BORCS5: variants seen among roughly 807,000 people sequenced by gnomAD.
BORCS5 encodes BLOC-1 related complex subunit 5.
BORCS5 carries 17 observed loss-of-function variants against 22.1 expected under a neutral mutation model. The observed-to-expected ratio is 0.77, with a 90% CI of 0.53 to 1.15. BORCS5 has a LOEUF of 1.15. Among genes scored for constraint, BORCS5 ranks in the 50% most tolerant of loss-of-function variants. BORCS5 has a pLI of 0.00. For synonymous variants in BORCS5, 117 were observed against 99.8 expected (o/e 1.17, Z -1.03); for missense variants, 247 against 253.2 (o/e 0.98, Z 0.17).
chr12:12,357,341 C>G lies in BORCS5; in HGVS notation c.-111C>G. 6.7e-7 allele frequency: 1 copy of G among 1,489,250 alleles called. No individual in the cohort carries two copies. The highest frequency in any genetic ancestry group is 9.0e-7 in the Non-Finnish European group (1 of 1,113,350). 92.3% of individuals were successfully genotyped at this position (1,489,250 alleles called of 1,614,324 possible). On this transcript the variant is annotated 5_prime_UTR_variant, in exon 1 of 4. Transcript: ENST00000314565. ...CACACATTAGCCTCGCTGCGGCGCC[C>G]AGACTCTGCTTTGCCTCCCCGTCCC... is the stretch of plus-strand genomic sequence containing the variant.
In BORCS5 at chr12:12,466,066, A is replaced by AT; in HGVS notation, c.*290_*291insT. ...TCTGCATTGAGAATTATTTTTATTT[A>AT]GTTTTTTTTTTTTTTTAATTGAGAG... is the stretch of plus-strand genomic sequence containing the variant. On this transcript the variant is annotated 3_prime_UTR_variant, in exon 4 of 4. Coordinates refer to ENST00000314565, the MANE Select transcript of BORCS5 (RefSeq NM_058169.6). The AT allele has an allele frequency of 5.1e-6, 1 of 195,084 alleles. No homozygotes were observed. The highest frequency in any genetic ancestry group is 8.6e-6 in the Non-Finnish European group (1 of 115,982). The allele number at this position is 195,084 out of a possible 1,614,324, so 12.1% of individuals were successfully genotyped here.
At chr12:12,445,192 C>A (rs1022353576) in intron 3 of BORCS5, among the ~76,000 whole-genome samples, 4 of 151,956 alleles carry the variant, frequency 2.6e-5, no homozygotes, top group Admixed American at 6.6e-5. Context: ...TACAGGTGTG[C>A]CACCTACCTG....
intron 2 of BORCS5, among the ~76,000 whole-genome samples, chr12:12,399,001 C>T (rs1941411662): frequency 6.6e-6 from 1 of 152,160 alleles, no homozygotes; most frequent in Admixed American, 6.5e-5. Context: ...ATTTTTGTCC[C>T]TGCCCACTGA....
intron 2 of BORCS5, among the ~76,000 whole-genome samples, chr12:12,431,403 C>T (rs201481856): frequency 0.016 from 1,885 of 120,884 alleles, 42 homozygotes; most frequent in African/African-American, 0.055. Context: ...TTTGCTAATT[C>T]TTTTTTTTTT....
At position 12,462,858 on chromosome 12, in the gene BORCS5, T is replaced by G. The variant is rs537556683; in HGVS notation, c.361-2688T>G. Among the ~76,000 whole-genome samples the G allele has an allele frequency of 4.6e-5, 7 of 152,162 alleles. No homozygotes were observed. The South Asian group carries it at 1.0e-3, about 23-fold the overall frequency. On this transcript the variant is annotated intron_variant, in intron 3 of 3. Transcript: ENST00000314565. ...TTTTAATAGAGACGGAGTTTCGCCG[T>G]GTTGCCCAGGCTGGTCTCGAACTCC...
intron 3 of BORCS5, among the ~76,000 whole-genome samples, chr12:12,456,209 G>A (rs912113664): frequency 6.6e-6 from 1 of 152,186 alleles, no homozygotes; most frequent in Admixed American, 6.5e-5. Context: ...TGAGCGGGTG[G>A]ATGGCTTGGG....
intron 3 of BORCS5, among the ~76,000 whole-genome samples, chr12:12,450,285 C>G (rs1219615435): frequency 6.6e-6 from 1 of 152,144 alleles, no homozygotes; most frequent in African/African-American, 2.4e-5. Flanking sequence ...TGCTCAGGAC[C>G]CTTGCACCTC....
chr12:12,375,186 A>AT (rs970679124), intron 2 of BORCS5, among the ~76,000 whole-genome samples: 1 of 151,870 alleles, frequency 6.6e-6, no homozygotes, highest in African/African-American at 2.4e-5. Context: ...TAATTTTTGT[A>AT]TTTTTTTATA....
chr12:12,461,599 C>T (rs956044108), intron 3 of BORCS5, among the ~76,000 whole-genome samples: 4 of 152,168 alleles, frequency 2.6e-5, no homozygotes. Flanking sequence ...ACATAAACAT[C>T]CTCATGGACC....
chr12:12,464,283 C>T (rs1020960054), intron 3 of BORCS5, among the ~76,000 whole-genome samples: 11 of 152,098 alleles, frequency 7.2e-5, no homozygotes, highest in Non-Finnish European at 1.6e-4. Context: ...GCAAGAGGCC[C>T]GCCAGAGGAC....
chr12:12,462,618 T>C (rs1943128276), intron 3 of BORCS5, among the ~76,000 whole-genome samples: 1 of 152,148 alleles, frequency 6.6e-6, no homozygotes. Flanking sequence ...TAGCTCCAGC[T>C]TGGATGGTTA....
intron 2 of BORCS5, among the ~76,000 whole-genome samples, chr12:12,398,587 C>A (rs933486781): frequency 1.1e-4 from 16 of 152,086 alleles, no homozygotes. Flanking sequence ...GGAAGAATGG[C>A]CCCTGTAGCT....
At chr12:12,456,930 A>G (rs1943008133) in intron 3 of BORCS5, among the ~76,000 whole-genome samples, 1 of 151,956 alleles carries the variant, frequency 6.6e-6, no homozygotes, top group East Asian at 1.9e-4. Flanking sequence ...TGTAACCGAG[A>G]TGAGGCGTCC....
At chr12:12,390,224 G>C (rs889009464) in intron 2 of BORCS5, among the ~76,000 whole-genome samples, 1 of 152,218 alleles carries the variant, frequency 6.6e-6, no homozygotes, top group Admixed American at 6.5e-5. Context: ...TAGGAGGTGA[G>C]GGTATAGCCA....
chr12:12,384,870 CTCTT>C (rs962578127), intron 2 of BORCS5, among the ~76,000 whole-genome samples: 2 of 151,142 alleles, frequency 1.3e-5, no homozygotes, highest in African/African-American at 4.9e-5. Flanking sequence ...CTGGGCAGCT[CTCTT>C]TATTTGTGTA....
At position 12,438,370 on chromosome 12, in the gene BORCS5, A is replaced by AAAAAACAAAAC. The variant is rs1565915525; in HGVS notation, c.360+2590_360+2591insCAAAACAAAAA. Among the ~76,000 whole-genome samples the AAAAAACAAAAC allele has an allele frequency of 1.0e-4, 13 of 128,182 alleles. 1 individual carries two copies. The highest frequency in any genetic ancestry group is 5.2e-4 in the African/African-American group (13 of 25,238). 84.1% of individuals were successfully genotyped at this position (128,182 alleles called of 152,430 possible). Reference sequence around the variant, plus strand: ...AGCCAGATTTCATCTCAAAAAAAAAAAAAAAAAAAACGAAAAACAACAACA... The same window carrying AAAAAACAAAAC: ...AGCCAGATTTCATCTCAAAAAAAAAAAAAAACAAAACAAAAAAAAAACGAAAAACAACAACA... On this transcript the variant is annotated intron_variant, in intron 3 of 3. Coordinates refer to ENST00000314565, the MANE Select transcript of BORCS5 (RefSeq NM_058169.6).
intron 2 of BORCS5, among the ~76,000 whole-genome samples, chr12:12,395,416 G>A (rs1381428083): frequency 4.7e-5 from 7 of 148,864 alleles, no homozygotes; most frequent in Admixed American, 1.3e-4. Flanking sequence ...ATACAGGTGC[G>A]TACCACCACA....
chr12:12,359,651 C>T (rs1353151585), intron 1 of BORCS5, among the ~76,000 whole-genome samples: 4 of 148,078 alleles, frequency 2.7e-5, no homozygotes, highest in South Asian at 2.2e-4. Context: ...CGTGAGCCAC[C>T]GTGCCCAGCC....
chr12:12,380,494 A>C lies in BORCS5; in HGVS notation c.202+19145A>C, dbSNP rs73279374. Among the ~76,000 whole-genome samples, 772 of 151,580 alleles carry C rather than the reference A, an allele frequency of 5.1e-3. 27 individuals carry two copies. Among genetic ancestry groups the C allele is most frequent in the African/African-American group, 0.018 (742 of 41,312 alleles). On this transcript the variant is annotated intron_variant, in intron 2 of 3. Coordinates refer to ENST00000314565, the MANE Select transcript of BORCS5 (RefSeq NM_058169.6). ...CAACCACAGGCCAGCTTTTCTGGAC[A>C]CTTCATCTAAATGGAATCATACAAT...
Sources: allele counts gnomAD v4.1 joint callset (sites outside exome capture counted in the v4.1 genomes callset), GRCh38; gene constraint gnomAD v4.1.1; transcripts MANE v1.5; gene names NCBI Gene and HGNC (gene_info 2026-07-23, HGNC 2026-07-21).